MEGF11: variants seen among roughly 807,000 people sequenced by gnomAD.
The protein encoded by MEGF11 is multiple epidermal growth factor-like domains protein 11.
In MEGF11, 126 loss-of-function variants were observed where a neutral mutation model predicts 146.6. The ratio of observed to expected loss-of-function variants is 0.86; its 90% CI spans 0.74 to 1.00. The LOEUF (loss-of-function observed/expected upper bound fraction) is 1.00, where lower values mean the gene tolerates loss of function less well. Among genes scored for constraint, MEGF11 ranks in the 50% least tolerant of loss-of-function variants. MEGF11 has a pLI of 0.00. For missense variants in MEGF11, 1,509 were observed against 1,521.2 expected, an observed-to-expected ratio of 0.99 and a Z score of 0.13; for synonymous variants, 532 against 583.4, an observed-to-expected ratio of 0.91 and a Z score of 1.27.
chr15:66,051,880 C>T (rs1475406901), intron 5 of MEGF11, among the ~76,000 whole-genome samples: 2 of 152,226 alleles, frequency 1.3e-5, no homozygotes, highest in Non-Finnish European at 2.9e-5. Flanking sequence ...TCCTTGGGAA[C>T]TTGAGCCCAC....
chr15:66,048,253 G>T (rs1265209682), intron 5 of MEGF11, among the ~76,000 whole-genome samples: 6 of 152,282 alleles, frequency 3.9e-5, no homozygotes, highest in African/African-American at 1.2e-4. Context: ...GCCAGGAGGA[G>T]GGTTTGTTTT....
rs768138165 is a variant in MEGF11 at position 65,930,876 on chromosome 15, C to A, written c.1355G>T (p.Cys452Phe). The stretch of plus-strand genomic sequence containing the variant: ...TGGGGAGCAGGTGCCACCATTGTTA[C>A]AGCTACAGATGGACGAGCAGTTGGG... Reference protein sequence around the residue: ...YGPNCSSICSCNNGGTCSPVD... With the variant: ...YGPNCSSICSFNNGGTCSPVD... Residue 452 changes from cysteine to phenylalanine, a missense_variant, in exon 11 of 26, where the codon TGT (cysteine) becomes TTT (phenylalanine). By Grantham distance (205) the Cys-to-Phe change is radical (BLOSUM62 -2). Coordinates refer to ENST00000395614, the MANE Select transcript of MEGF11 (RefSeq NM_001385028.1). The A allele has an allele frequency of 6.2e-7, 1 of 1,611,762 alleles. No individual in the cohort carries two copies. The highest frequency in any genetic ancestry group is 2.2e-5 in the East Asian group (1 of 44,706).
At chr15:65,985,834 CAG>C (rs1013662044) in intron 5 of MEGF11, among the ~76,000 whole-genome samples, 9 of 151,956 alleles carry the variant, frequency 5.9e-5, no homozygotes, top group African/African-American at 1.5e-4. Context: ...AAGGGCAGCT[CAG>C]GGGATTATAG....
At chr15:66,047,846 C>G (rs2084276485) in intron 5 of MEGF11, among the ~76,000 whole-genome samples, 2 of 152,336 alleles carry the variant, frequency 1.3e-5, no homozygotes, top group African/African-American at 4.8e-5. Context: ...CCTACATGCC[C>G]TCCCGTGGGG....
intron 5 of MEGF11, among the ~76,000 whole-genome samples, chr15:66,034,890 C>T (rs1336683895): frequency 2.0e-5 from 3 of 152,156 alleles, no homozygotes; most frequent in Admixed American, 6.5e-5. Context: ...GGTTCATTAT[C>T]GCAGGAGTGG....
At chr15:66,019,008 G>A (rs2082999381) in intron 5 of MEGF11, among the ~76,000 whole-genome samples, 1 of 152,224 alleles carries the variant, frequency 6.6e-6, no homozygotes, top group African/African-American at 2.4e-5. Context: ...GGCTTCGGAA[G>A]GTCCATCTGA....
chr15:66,048,571 C>G (rs2084320928), intron 5 of MEGF11, among the ~76,000 whole-genome samples: 1 of 152,230 alleles, frequency 6.6e-6, no homozygotes, highest in South Asian at 2.1e-4. Context: ...TCACTGATGA[C>G]CAAGGGAAGC....
chr15:66,086,709 T>C (rs1320474417), intron 5 of MEGF11, among the ~76,000 whole-genome samples: 2 of 152,132 alleles, frequency 1.3e-5, no homozygotes, highest in Non-Finnish European at 2.9e-5. Flanking sequence ...ACAGAATCTC[T>C]TTAAAGTATA....
intron 7 of MEGF11, among the ~76,000 whole-genome samples, chr15:65,973,134 G>T (rs78016430): frequency 3.0e-5 from 4 of 134,240 alleles, no homozygotes; most frequent in Non-Finnish European, 6.6e-5. Context: ...AAAAAAAAAA[G>T]AATTACCCAA....
At chr15:65,969,630 A>C (rs1567182151) in intron 8 of MEGF11, among the ~76,000 whole-genome samples, 1 of 152,212 alleles carries the variant, frequency 6.6e-6, no homozygotes, top group African/African-American at 2.4e-5. Flanking sequence ...GATTATGTCT[A>C]TTAGAAATGG....
chr15:66,149,477 A>T (rs140766252), intron 1 of MEGF11, among the ~76,000 whole-genome samples: 174 of 152,196 alleles, frequency 1.1e-3, no homozygotes, highest in African/African-American at 4.1e-3. Flanking sequence ...ATTTCTAACT[A>T]TTATTGGTGG....
At chr15:66,035,913 CT>C (rs2083708892) in intron 5 of MEGF11, among the ~76,000 whole-genome samples, 2 of 152,220 alleles carry the variant, frequency 1.3e-5, no homozygotes, top group East Asian at 3.8e-4. Context: ...GAATCTGTGG[CT>C]GATGGCTTGT....
intron 5 of MEGF11, among the ~76,000 whole-genome samples, chr15:66,086,928 G>A (rs2086131693): frequency 6.6e-6 from 1 of 152,174 alleles, no homozygotes; most frequent in Non-Finnish European, 1.5e-5. Flanking sequence ...TTGCCTTCAG[G>A]AGACTCATCT....
intron 1 of MEGF11, among the ~76,000 whole-genome samples, chr15:66,180,005 G>T (rs1306255896): frequency 6.6e-6 from 1 of 152,158 alleles, no homozygotes; most frequent in Non-Finnish European, 1.5e-5. Flanking sequence ...GCTCCCAAGA[G>T]TCCCTTCTTC....
At chr15:65,929,670 GCGTGA>G in intron 12 of MEGF11, 45 bp downstream of exon 12, 1 of 1,527,816 alleles carries the variant, frequency 6.5e-7, no homozygotes. Flanking sequence ...CAGGGAAAGG[GCGTGA>G]GGGGATGCGG....
intron 8 of MEGF11, among the ~76,000 whole-genome samples, chr15:65,966,562 C>T (rs112201892): frequency 5.5e-4 from 83 of 152,100 alleles, no homozygotes; most frequent in Admixed American, 5.4e-3. Context: ...GTAGAGGAAG[C>T]GTCTTCCTGC....
At chr15:66,092,963 T>G (rs1308585343) in intron 5 of MEGF11, among the ~76,000 whole-genome samples, 1 of 152,176 alleles carries the variant, frequency 6.6e-6, no homozygotes, top group Non-Finnish European at 1.5e-5. Context: ...GCCCAGACAT[T>G]TTACCCAGTG....
At chr15:66,062,563 C>T (rs541458354) in intron 5 of MEGF11, among the ~76,000 whole-genome samples, 12 of 152,166 alleles carry the variant, frequency 7.9e-5, no homozygotes, top group African/African-American at 2.2e-4. Flanking sequence ...CCAGTCAATC[C>T]TCTGATGAGA....
chr15:65,903,710 G>A (rs1044401288), intron 24 of MEGF11, among the ~76,000 whole-genome samples: 3 of 152,202 alleles, frequency 2.0e-5, no homozygotes, highest in Non-Finnish European at 2.9e-5. Flanking sequence ...GTTTGGCCCA[G>A]TAGTTTTAGG....
Sources: allele counts gnomAD v4.1 joint callset (sites outside exome capture counted in the v4.1 genomes callset), GRCh38; gene constraint gnomAD v4.1.1; transcripts MANE v1.5; gene names NCBI Gene and HGNC (gene_info 2026-07-23, HGNC 2026-07-21).